Variants in MPHOSPH8 observed in about 807,000 individuals in gnomAD.
MPHOSPH8 encodes the protein M-phase phosphoprotein 8.
Under a neutral mutation model 87.3 loss-of-function variants are expected in MPHOSPH8, and 45 were observed. That is an observed-to-expected ratio of 0.52 (90% CI 0.41 to 0.66). MPHOSPH8 has a LOEUF of 0.66. MPHOSPH8 is among the 30% of genes least tolerant of loss of function. The probability of loss-of-function intolerance (pLI) is 0.00; values close to 1 mark genes in which losing one functional copy is unlikely to be tolerated. For missense variants in MPHOSPH8, 883 were observed against 1,020.2 expected (o/e 0.87, Z 1.83); for synonymous variants, 366 against 376.9 (o/e 0.97, Z 0.33).
chr13:19,670,286 G>A lies in MPHOSPH8; in HGVS notation c.2380G>A (p.Val794Ile). 6.2e-7 allele frequency: 1 copy of A among 1,614,186 alleles called. No individual in the cohort carries two copies. Among genetic ancestry groups the A allele is most frequent in the Non-Finnish European group, 8.5e-7 (1 of 1,179,984 alleles). The change falls in exon 12 of 14, where the codon GTT becomes ATT. Residue 794 changes from valine (V) to isoleucine (I), a missense_variant. Val to Ile is a conservative substitution (Grantham distance 29). Coordinates refer to ENST00000361479, the MANE Select transcript of MPHOSPH8 (RefSeq NM_017520.4). ...CCATGCAAACTTTTTGGGTAAAGAA[G>A]TTATTGCTCGGCTCTGTGGACCGTG... ...IFHANFLGKE[V>I]IARLCGPCSV...
intron 1 of MPHOSPH8, among the ~76,000 whole-genome samples, chr13:19,639,418 C>G (rs1366242740): frequency 6.6e-6 from 1 of 151,970 alleles, no homozygotes; most frequent in Non-Finnish European, 1.5e-5. Flanking sequence ...TCAAGCGATT[C>G]TCCTGCCTCA....
chr13:19,672,721 T>G lies in MPHOSPH8; in HGVS notation c.*846T>G, dbSNP rs895561973. On this transcript the variant is annotated 3_prime_UTR_variant, in exon 14 of 14. Coordinates refer to ENST00000361479, the MANE Select transcript of MPHOSPH8 (RefSeq NM_017520.4). ...TTTGTAAATATGCTGTAGTCACTTA[T>G]CATCTTTTCAAAGGGTAACAAGAGA... is the stretch of plus-strand genomic sequence containing the variant. 6.1e-6 allele frequency: 1 copy of G among 163,918 alleles called. No homozygotes were observed. The highest frequency in any genetic ancestry group is 1.3e-5 in the Non-Finnish European group (1 of 74,628). The allele number at this position is 163,918 out of a possible 1,614,324, so 10.2% of individuals were successfully genotyped here.
At chr13:19,660,287 G>T (rs1875456078) in intron 7 of MPHOSPH8, among the ~76,000 whole-genome samples, 1 of 151,946 alleles carries the variant, frequency 6.6e-6, no homozygotes, top group South Asian at 2.1e-4. Context: ...TTTTTTTAAT[G>T]GAAGCATATT....
rs1233071466 is a variant in MPHOSPH8, at chr13:19,650,035, T to C, written c.1351T>C (p.Phe451Leu). ...LKEIRNAFDL[F>L]KLTPEEKNDV... The stretch of plus-strand genomic sequence containing the variant: ...GGAAATCAGAAATGCATTTGATTTA[T>C]TTAAATTAACTCCAGAAGAAAAAAA... Residue 451 changes from phenylalanine (F) to leucine (L), a missense_variant, in exon 5 of 14, where the codon TTT becomes CTT. This residue lies in a region of MPHOSPH8 where 741 missense variants were observed against 841.5 expected (regional missense o/e 0.88). Coordinates refer to ENST00000361479, the MANE Select transcript of MPHOSPH8 (RefSeq NM_017520.4). 6 of 1,601,496 alleles carry C rather than the reference T, an allele frequency of 3.7e-6. No individual in the cohort carries two copies. Among genetic ancestry groups the C allele is most frequent in the Non-Finnish European group, 5.1e-6 (6 of 1,174,310 alleles).
At chr13:19,669,748 G>C (rs970180753) in intron 11 of MPHOSPH8, among the ~76,000 whole-genome samples, 1 of 151,844 alleles carries the variant, frequency 6.6e-6, no homozygotes, top group Non-Finnish European at 1.5e-5. Context: ...GGCCTCAAGT[G>C]ATCTGCCTGC....
At chr13:19,669,881 C>G (rs1405778374) in intron 11 of MPHOSPH8, among the ~76,000 whole-genome samples, 2 of 152,192 alleles carry the variant, frequency 1.3e-5, no homozygotes, top group South Asian at 4.1e-4. Context: ...TGGAAAACCA[C>G]TCAGACCCAC....
chr13:19,667,179 A>C (rs1593491350), intron 10 of MPHOSPH8, among the ~76,000 whole-genome samples: 1 of 152,162 alleles, frequency 6.6e-6, no homozygotes, highest in African/African-American at 2.4e-5. Context: ...CACCACCAAA[A>C]AAAGAAAGAA....
At chr13:19,653,734 AAC>A (rs918166953) in intron 5 of MPHOSPH8, among the ~76,000 whole-genome samples, 2 of 152,232 alleles carry the variant, frequency 1.3e-5, no homozygotes, top group African/African-American at 4.8e-5. Context: ...TGGAGCTGAA[AAC>A]ACAGCACGAG....
chr13:19,641,928 C>T (rs1051992717), intron 1 of MPHOSPH8, among the ~76,000 whole-genome samples, 187 bp from the exon 2 acceptor site: 2 of 152,128 alleles, frequency 1.3e-5, no homozygotes, highest in African/African-American at 4.8e-5. Context: ...TCCCACTGCA[C>T]CTGGTCAATA....
At chr13:19,659,429 C>A in intron 7 of MPHOSPH8, 140 bp downstream of exon 7, 1 of 691,774 alleles carries the variant, frequency 1.4e-6, no homozygotes, top group Non-Finnish European at 2.4e-6. Flanking sequence ...TTTGGGAGGC[C>A]GAGGCAGGAG....
At chr13:19,668,270 T>C (rs940677902) in intron 10 of MPHOSPH8, 107 bp from the exon 11 acceptor site, 1 of 914,570 alleles carries the variant, frequency 1.1e-6, no homozygotes, top group East Asian at 2.5e-5. Flanking sequence ...CAGGCAGAGC[T>C]GCAGGTCTTT....
At chr13:19,642,724 T>C (rs898994119) in intron 2 of MPHOSPH8, among the ~76,000 whole-genome samples, 2 of 152,122 alleles carry the variant, frequency 1.3e-5, no homozygotes, top group Admixed American at 1.3e-4. Flanking sequence ...ATAGTGAAGA[T>C]ATCTCACATT....
In MPHOSPH8 at chr13:19,646,479, T is replaced by A; in HGVS notation, c.406T>A (p.Ser136Thr). 1 of 1,546,602 alleles carries A rather than the reference T, an allele frequency of 6.5e-7. No individual in the cohort carries two copies. The highest frequency in any genetic ancestry group is 2.3e-5 in the East Asian group (1 of 43,468). The change falls in exon 3 of 14, where the codon TCT becomes ACT. Residue 136 changes from serine (S) to threonine (T), a missense_variant. Around this residue, in one of 3 missense-constraint regions of MPHOSPH8, gnomAD observed 39 missense variants for 82.4 expected, o/e 0.47. Coordinates refer to ENST00000361479, the MANE Select transcript of MPHOSPH8 (RefSeq NM_017520.4). Reference protein sequence around the residue: ...SLNNDIFEANSDSDQQSETKE... With the variant: ...SLNNDIFEANTDSDQQSETKE... ...AAATAACGACATATTTGAGGCGAAC[T>A]CTGATAGCGATCAGCAAAGTGAGAC... is the stretch of plus-strand genomic sequence containing the variant.
rs368354077 is a variant in MPHOSPH8, at chr13:19,647,224, A to G, written c.1151A>G (p.Gln384Arg). 5 of 1,613,972 alleles carry G rather than the reference A, an allele frequency of 3.1e-6. No individual in the cohort carries two copies. In the African/African-American group the frequency reaches 4.0e-5, roughly 13 times the overall value. Residue 384 changes from glutamine to arginine, a missense_variant, in exon 3 of 14, where the codon CAA becomes CGA. Around this residue, in one of 3 missense-constraint regions of MPHOSPH8, gnomAD observed 741 missense variants for 841.5 expected, o/e 0.88. Transcript: ENST00000361479. ...ELEKLMPVSAQTPKGRRLSGE... is the reference protein window; with the variant it reads ...ELEKLMPVSARTPKGRRLSGE... Reference sequence around the variant, plus strand: ...GAGAAGCTGATGCCTGTATCTGCCCAAACGCCAAAGGGCCGGAGGTTGAGC... The same window carrying G: ...GAGAAGCTGATGCCTGTATCTGCCCGAACGCCAAAGGGCCGGAGGTTGAGC...
At chr13:19,634,707 T>C (rs1425556403) in intron 1 of MPHOSPH8, among the ~76,000 whole-genome samples, 1 of 152,180 alleles carries the variant, frequency 6.6e-6, no homozygotes, top group African/African-American at 2.4e-5. Flanking sequence ...TGTATTGACC[T>C]CTATGAAGGC....
In MPHOSPH8 at chr13:19,668,425, C is replaced by T; in HGVS notation, c.2223C>T (p.Arg741=). Residue 741 remains arginine, a synonymous_variant, in exon 11 of 14, where the codon CGC becomes CGT. Transcript: ENST00000361479. The stretch of plus-strand genomic sequence containing the variant: ...CAATAAAGGATTACTTTGAAGCTCG[C>T]CTTGCTCTGCTAGAACCAGTTTTTC... The part of the protein sequence containing the change: ...EETIKDYFEA[R]LALLEPVFPI... The T allele has an allele frequency of 6.2e-7, 1 of 1,614,074 alleles. No homozygotes were observed. The highest frequency in any genetic ancestry group is 8.5e-7 in the Non-Finnish European group (1 of 1,179,982).
At chr13:19,666,669 C>G (rs1875836131) in intron 10 of MPHOSPH8, 90 bp downstream of exon 10, 2 of 1,226,708 alleles carry the variant, frequency 1.6e-6, no homozygotes, top group Non-Finnish European at 2.2e-6. Flanking sequence ...CTGTGTGTAA[C>G]TGCTCAGAAA....
At chr13:19,637,849 C>A (rs1306270236) in intron 1 of MPHOSPH8, among the ~76,000 whole-genome samples, 11 of 151,882 alleles carry the variant, frequency 7.2e-5, no homozygotes, top group Admixed American at 7.2e-4. Context: ...CGCCTGTAAT[C>A]CCAGCACTTT....
Position 19,647,177 on chromosome 13 carries a change from A to C in MPHOSPH8, c.1104A>C (p.Arg368Ser). The C allele has an allele frequency of 6.2e-7, 1 of 1,614,192 alleles. No homozygotes were observed. Among genetic ancestry groups the C allele is most frequent in the Non-Finnish European group, 8.5e-7 (1 of 1,180,038 alleles). The stretch of plus-strand genomic sequence containing the variant: ...CTAAAAAGCAGAGGAATCAAGACAG[A>C]AGCAAAAGTGCTGCAGAGTTAGAGA... Reference protein sequence around the residue: ...TVPKKQRNQDRSKSAAELEKL... With the variant: ...TVPKKQRNQDSSKSAAELEKL... The change falls in exon 3 of 14, where the codon AGA becomes AGC. Residue 368 changes from arginine (R) to serine (S), a missense_variant. Around this residue, in one of 3 missense-constraint regions of MPHOSPH8, gnomAD observed 741 missense variants for 841.5 expected, o/e 0.88. Coordinates refer to ENST00000361479, the MANE Select transcript of MPHOSPH8 (RefSeq NM_017520.4).
Sources: allele counts gnomAD v4.1 joint callset (sites outside exome capture counted in the v4.1 genomes callset), GRCh38; gene constraint gnomAD v4.1.1; regional missense constraint gnomAD v4.1.1; transcripts MANE v1.5; gene names NCBI Gene and HGNC (gene_info 2026-07-23, HGNC 2026-07-21).